Variants in CAST observed in about 807,000 individuals in gnomAD.
CAST encodes the protein calpastatin.
In CAST, 76 loss-of-function variants were observed where a neutral mutation model predicts 119.6. That is an observed-to-expected ratio of 0.64 (90% confidence interval 0.53 to 0.77). CAST has a LOEUF of 0.77. CAST is among the 30% of genes least tolerant of loss of function. The probability of loss-of-function intolerance (pLI) is 0.00; values close to 1 mark genes in which losing one functional copy is unlikely to be tolerated. For synonymous variants in CAST, 319 were observed against 331.6 expected (o/e 0.96, Z 0.41); for missense variants, 953 against 946.5 (o/e 1.01, Z -0.09).
At chr5:96,541,494 G>A (rs1017023426) in intron 1 of CAST, among the ~76,000 whole-genome samples, 1 of 152,076 alleles carries the variant, frequency 6.6e-6, no homozygotes, top group Non-Finnish European at 1.5e-5. Flanking sequence ...TTGCATACAT[G>A]AAGGTTTGTT....
chr5:96,399,347 C>A, the CAST span, among the ~76,000 whole-genome samples: 1 of 152,026 alleles, frequency 6.6e-6, no homozygotes, highest in Non-Finnish European at 1.5e-5. Flanking sequence ...GAAGGCATGC[C>A]CCAAGCCTCC....
the CAST span, among the ~76,000 whole-genome samples, chr5:96,081,010 T>A: frequency 3.3e-5 from 5 of 152,190 alleles, no homozygotes; most frequent in Non-Finnish European, 4.4e-5. Flanking sequence ...TTTCTTGGAT[T>A]GTAAGTTTCA....
At chr5:96,078,199 C>A in the CAST span, among the ~76,000 whole-genome samples, 2 of 152,104 alleles carry the variant, frequency 1.3e-5, no homozygotes, top group African/African-American at 4.8e-5. Context: ...ACCTAAATAC[C>A]TTCCAGAGGC....
the CAST span, among the ~76,000 whole-genome samples, chr5:96,266,140 T>C: frequency 6.6e-6 from 1 of 152,104 alleles, no homozygotes. Flanking sequence ...AACTAAAATA[T>C]GAGGATGAGA....
chr5:96,647,522 C>A (rs867920053), intron 1 of CAST, among the ~76,000 whole-genome samples: 1 of 152,046 alleles, frequency 6.6e-6, no homozygotes, highest in Non-Finnish European at 1.5e-5. Context: ...ATGTGTCCCC[C>A]CAAAATGAAT....
intron 16 of CAST, chr5:96,743,719 A>C (rs1763166921): frequency 8.7e-6 from 14 of 1,609,024 alleles, no homozygotes; most frequent in Middle Eastern, 1.6e-4. Context: ...GAGGAGCAAG[A>C]GAAGCAGTTC....
intron 8 of CAST, 127 bp from the exon 9 acceptor site, chr5:96,730,653 C>A: frequency 1.4e-6 from 1 of 703,470 alleles, no homozygotes; most frequent in South Asian, 1.7e-5. Context: ...TAGAAGTGAG[C>A]AAACATTCCC....
At chr5:96,224,542 G>A in the CAST span, among the ~76,000 whole-genome samples, 1 of 152,090 alleles carries the variant, frequency 6.6e-6, no homozygotes, top group South Asian at 2.1e-4. Flanking sequence ...TGAAGATGGT[G>A]GCAGAGATGG....
chr5:96,588,393 G>A (rs1423324843), intron 1 of CAST, among the ~76,000 whole-genome samples: 7 of 151,504 alleles, frequency 4.6e-5, no homozygotes, highest in Admixed American at 4.6e-4. Context: ...GTAGAGATGG[G>A]GCTTCACCAT....
chr5:96,178,466 A>G, the CAST span, among the ~76,000 whole-genome samples: 1 of 152,166 alleles, frequency 6.6e-6, no homozygotes, highest in Non-Finnish European at 1.5e-5. Flanking sequence ...AAAAATACTC[A>G]GTTCTCCTGA....
At chr5:96,433,173 A>C in the CAST span, 1 of 874,434 alleles carries the variant, frequency 1.1e-6, no homozygotes, top group Non-Finnish European at 1.9e-6. Flanking sequence ...TTGCTCTGCG[A>C]AGAGCTAGGA....
At chr5:96,500,504 A>T in the CAST span, among the ~76,000 whole-genome samples, 1 of 152,210 alleles carries the variant, frequency 6.6e-6, no homozygotes, top group South Asian at 2.1e-4. Context: ...GACTGACATC[A>T]TCAATAACCT....
chr5:96,368,094 T>G, the CAST span, among the ~76,000 whole-genome samples: 4 of 152,130 alleles, frequency 2.6e-5, no homozygotes, highest in African/African-American at 9.7e-5. Flanking sequence ...CTGAACCTTA[T>G]AGTATCCTTT....
At position 96,703,001 on chromosome 5, in the gene CAST, T is replaced by C. The variant is rs2113049; in HGVS notation, c.210+7094T>C. The C allele has an allele frequency of 8.5e-5, 79 of 928,712 alleles. 1 individual carries two copies. The East Asian group carries it at 7.8e-3, about 92-fold the overall frequency. The allele number at this position is 928,712 out of a possible 1,614,324, so 57.5% of individuals were successfully genotyped here. A position where few individuals can be genotyped will look rare whatever the true frequency, so the allele number is the denominator to read the frequency against. ...TGCCCCCGGCTACCTGCCCTGCGTG[T>C]CCGGGGCCTGGTCCCTGCAGCGGAC... On this transcript the variant is annotated intron_variant, in intron 3 of 31. Transcript: ENST00000675179.
chr5:96,074,983 T>C, the CAST span, among the ~76,000 whole-genome samples: 1 of 152,204 alleles, frequency 6.6e-6, no homozygotes, highest in African/African-American at 2.4e-5. Context: ...TTCTTTAGGC[T>C]GCAGAGCTGG....
chr5:96,550,065 C>T (rs944239771), intron 1 of CAST, among the ~76,000 whole-genome samples: 1 of 152,242 alleles, frequency 6.6e-6, no homozygotes, highest in Non-Finnish European at 1.5e-5. Context: ...GTTCTCCCAG[C>T]ACAGCGTATG....
At chr5:96,264,067 T>C in the CAST span, among the ~76,000 whole-genome samples, 1 of 152,246 alleles carries the variant, frequency 6.6e-6, no homozygotes, top group African/African-American at 2.4e-5. Flanking sequence ...ACTTGCTCTT[T>C]ACCTAGCAAA....
At chr5:96,288,817 C>A in the CAST span, among the ~76,000 whole-genome samples, 1 of 152,026 alleles carries the variant, frequency 6.6e-6, no homozygotes, top group Non-Finnish European at 1.5e-5. Flanking sequence ...ACAGTACAGA[C>A]ATTCAAAGGT....
At chr5:96,415,339 G>T in the CAST span, among the ~76,000 whole-genome samples, 27 of 152,308 alleles carry the variant, frequency 1.8e-4, no homozygotes, top group Non-Finnish European at 2.9e-4. Context: ...GGCCTATCCA[G>T]TGGCTCTCTC....
Sources: gnomAD v4.1 joint callset for allele counts (sites outside exome capture counted in the v4.1 genomes callset) on GRCh38, gnomAD v4.1.1 for gene constraint, MANE v1.5 for transcripts, NCBI Gene and HGNC (gene_info 2026-07-23, HGNC 2026-07-21) for gene names.